Variants in CHCHD6 observed in about 807,000 individuals in gnomAD.
CHCHD6 encodes the protein coiled-coil-helix-coiled-coil-helix domain containing 6, also known as MICOS complex subunit MIC25.
A neutral mutation model predicts 32.3 loss-of-function variants in CHCHD6; 28 were observed. The ratio of observed to expected loss-of-function variants is 0.87; its 90% CI spans 0.64 to 1.19. The LOEUF (loss-of-function observed/expected upper bound fraction) is 1.19, where lower values mean the gene tolerates loss of function less well. Ranked by LOEUF, CHCHD6 falls within the 50% of genes most tolerant of loss-of-function variation. The pLI is 0.00. For missense variants in CHCHD6, 333 were observed against 307.0 expected, an observed-to-expected ratio of 1.08 and a Z score of -0.63; for synonymous variants, 122 against 117.5, an observed-to-expected ratio of 1.04 and a Z score of -0.25.
At chr3:126,720,195 A>AT (rs1314133475) in intron 1 of CHCHD6, among the ~76,000 whole-genome samples, 1 of 152,136 alleles carries the variant, frequency 6.6e-6, no homozygotes, top group Non-Finnish European at 1.5e-5. Flanking sequence ...AGTCTTTTGC[A>AT]TGACAGGGCC....
At chr3:126,888,365 C>T (rs559887781) in intron 5 of CHCHD6, among the ~76,000 whole-genome samples, 1 of 152,224 alleles carries the variant, frequency 6.6e-6, no homozygotes, top group Admixed American at 6.5e-5. Flanking sequence ...GATAAAGAGC[C>T]TCTTGAAACA....
In CHCHD6 at chr3:126,848,072, A is replaced by G. The variant is rs1247674202; in HGVS notation, c.412-4575A>G. Among the ~76,000 whole-genome samples, 6 of 152,288 alleles carry G rather than the reference A, an allele frequency of 3.9e-5. No individual in the cohort carries two copies. The East Asian group carries it at 1.2e-3, about 29-fold the overall frequency. On this transcript the variant is annotated intron_variant, in intron 4 of 7. Coordinates refer to ENST00000290913, the MANE Select transcript of CHCHD6 (RefSeq NM_032343.3). ...ATAACTCACCGCAGCCTCAAACTCC[A>G]GGGACCAAAAAATCCTCCTGCCTCA...
At chr3:126,799,270 C>T (rs537947533) in intron 4 of CHCHD6, among the ~76,000 whole-genome samples, 1 of 152,252 alleles carries the variant, frequency 6.6e-6, no homozygotes, top group South Asian at 2.1e-4. Flanking sequence ...GGTGTGGGCA[C>T]TACAAGCTGA....
intron 4 of CHCHD6, among the ~76,000 whole-genome samples, chr3:126,737,984 A>T (rs1936122959): frequency 6.6e-6 from 1 of 152,178 alleles, no homozygotes; most frequent in Non-Finnish European, 1.5e-5. Flanking sequence ...TCAGTGGCAA[A>T]TCAAGAAGCT....
intron 5 of CHCHD6, among the ~76,000 whole-genome samples, chr3:126,906,291 G>A (rs1050769789): frequency 2.6e-5 from 4 of 152,200 alleles, no homozygotes; most frequent in South Asian, 4.1e-4. Context: ...CAGGCCTCCA[G>A]GCCTCCAGGC....
At chr3:126,860,384 G>A (rs1292004984) in intron 5 of CHCHD6, among the ~76,000 whole-genome samples, 1 of 152,040 alleles carries the variant, frequency 6.6e-6, no homozygotes, top group African/African-American at 2.4e-5. Context: ...CTCACAGGTG[G>A]GAATTGACAA....
At chr3:126,862,750 A>T (rs1428239334) in intron 5 of CHCHD6, among the ~76,000 whole-genome samples, 1 of 38,150 alleles carries the variant, frequency 2.6e-5, no homozygotes. Flanking sequence ...CACCATCACC[A>T]CCTCCTCCTC....
At chr3:126,726,074 A>G (rs1263447732) in intron 1 of CHCHD6, among the ~76,000 whole-genome samples, 5 of 152,216 alleles carry the variant, frequency 3.3e-5, no homozygotes, top group Non-Finnish European at 7.3e-5. Context: ...GTTAGGTGCA[A>G]CAGGCCTAGC....
At chr3:126,842,254 C>T (rs1363700019) in intron 4 of CHCHD6, among the ~76,000 whole-genome samples, 1 of 152,046 alleles carries the variant, frequency 6.6e-6, no homozygotes, top group Non-Finnish European at 1.5e-5. Flanking sequence ...AAAAAAAGAA[C>T]TGTTTAACCC....
chr3:126,833,332 G>T (rs1309158761), intron 4 of CHCHD6, among the ~76,000 whole-genome samples: 2 of 152,160 alleles, frequency 1.3e-5, no homozygotes, highest in Non-Finnish European at 2.9e-5. Context: ...CTTGGCACGG[G>T]TACAGACACT....
At chr3:126,892,528 C>A (rs1024112009) in intron 5 of CHCHD6, among the ~76,000 whole-genome samples, 4 of 152,194 alleles carry the variant, frequency 2.6e-5, no homozygotes, top group Non-Finnish European at 4.4e-5. Flanking sequence ...GCGTTGGGCA[C>A]CCCTGAAATT....
chr3:126,863,632 C>T (rs1276966437), intron 5 of CHCHD6, among the ~76,000 whole-genome samples: 7 of 91,440 alleles, frequency 7.7e-5, no homozygotes, highest in Admixed American at 1.1e-4. Flanking sequence ...CACCACCTCA[C>T]CCTCTTCCAC....
chr3:126,812,453 C>CA (rs1237692798), intron 4 of CHCHD6, among the ~76,000 whole-genome samples: 5 of 150,618 alleles, frequency 3.3e-5, no homozygotes, highest in Non-Finnish European at 7.4e-5. Context: ...TTTTTTTTTC[C>CA]ACTCTTGTTG....
At chr3:126,791,590 G>A (rs1425696861) in intron 4 of CHCHD6, among the ~76,000 whole-genome samples, 1 of 152,230 alleles carries the variant, frequency 6.6e-6, no homozygotes, top group South Asian at 2.1e-4. Context: ...CTAACAATGA[G>A]CGAGGCTCCG....
rs75927328 is a variant in CHCHD6, at chr3:126,845,048, C to G, written c.412-7599C>G. 9.3e-3 allele frequency among the ~76,000 whole-genome samples: 1,411 copies of G among 152,272 alleles called. 22 individuals carry two copies. The highest frequency in any genetic ancestry group is 0.032 in the African/African-American group (1,349 of 41,540). On this transcript the variant is annotated intron_variant, in intron 4 of 7. Transcript: ENST00000290913. ...AATAAGACCTGTTTGAGACTTCTGA[C>G]CTTTAGAATGGTAAGAGAAGACGTT...
At chr3:126,882,500 A>G (rs2077624059) in intron 5 of CHCHD6, among the ~76,000 whole-genome samples, 1 of 152,234 alleles carries the variant, frequency 6.6e-6, no homozygotes, top group Non-Finnish European at 1.5e-5. Context: ...TCATTTTCTC[A>G]GATATTTATG....
At chr3:126,917,671 A>AT (rs2078191396) in intron 6 of CHCHD6, among the ~76,000 whole-genome samples, 1 of 152,222 alleles carries the variant, frequency 6.6e-6, no homozygotes, top group Non-Finnish European at 1.5e-5. Context: ...TCCAGAACAC[A>AT]TATGTTGAAA....
At chr3:126,804,966 T>C (rs560062156) in intron 4 of CHCHD6, among the ~76,000 whole-genome samples, 8 of 152,168 alleles carry the variant, frequency 5.3e-5, no homozygotes, top group African/African-American at 1.9e-4. Flanking sequence ...ATTATCTCAA[T>C]AGATGCAGAA....
chr3:126,783,203 A>G (rs1172138241), intron 4 of CHCHD6, among the ~76,000 whole-genome samples: 1 of 152,218 alleles, frequency 6.6e-6, no homozygotes, highest in African/African-American at 2.4e-5. Flanking sequence ...TTCACCTAGC[A>G]TAATGTCATG....
Sources: gnomAD v4.1 joint callset for allele counts (sites outside exome capture counted in the v4.1 genomes callset) on GRCh38, gnomAD v4.1.1 for gene constraint, MANE v1.5 for transcripts, NCBI Gene and HGNC (gene_info 2026-07-23, HGNC 2026-07-21) for gene names.